COG4: variants seen among roughly 807,000 people sequenced by gnomAD.
COG4 encodes the protein conserved oligomeric Golgi complex subunit 4.
A neutral mutation model predicts 95.1 loss-of-function variants in COG4; 65 were observed. The observed-to-expected ratio is 0.68, with a 90% CI of 0.56 to 0.84. The LOEUF (loss-of-function observed/expected upper bound fraction) is 0.84, where lower values mean the gene tolerates loss of function less well. Among genes scored for constraint, COG4 ranks in the 40% least tolerant of loss-of-function variants. The probability of loss-of-function intolerance (pLI) is 0.00; values close to 1 mark genes in which losing one functional copy is unlikely to be tolerated. For missense variants in COG4, 1,045 were observed against 989.1 expected (o/e 1.06, Z -0.76); for synonymous variants, 421 against 374.8 (o/e 1.12, Z -1.42).
Position 70,509,230 on chromosome 16 carries a change from C to T in COG4, c.1002+1G>A. On this transcript the variant is annotated splice_donor_variant, in intron 7 of 18. Transcript: ENST00000323786. LOFTEE classifies it high-confidence loss of function. ...CCCTACCTGTAGCTTCCCCTGCTCACCTGCTGGTGGTAGTCCCTTTGCTTG... is the reference window on the plus strand; with the variant it reads ...CCCTACCTGTAGCTTCCCCTGCTCATCTGCTGGTGGTAGTCCCTTTGCTTG... 1 of 1,614,184 alleles carries T rather than the reference C, an allele frequency of 6.2e-7. No individual in the cohort carries two copies. The highest frequency in any genetic ancestry group is 2.2e-5 in the East Asian group (1 of 44,880).
intron 4 of COG4, 62 bp downstream of exon 4, chr16:70,514,273 T>G (rs1223651819): frequency 6.7e-7 from 1 of 1,484,180 alleles, no homozygotes; most frequent in Non-Finnish European, 9.4e-7. Context: ...TGGTCGAGTC[T>G]GCTTACTTCA....
At chr16:70,500,627 C>A (rs1567382166) in intron 9 of COG4, among the ~76,000 whole-genome samples, 1 of 151,882 alleles carries the variant, frequency 6.6e-6, no homozygotes, top group African/African-American at 2.4e-5. Context: ...TCCCAAAGTG[C>A]TGGGATTACA....
chr16:70,521,976 C>A (rs1244070020), intron 1 of COG4, among the ~76,000 whole-genome samples: 5 of 151,392 alleles, frequency 3.3e-5, no homozygotes, highest in Non-Finnish European at 7.4e-5. Flanking sequence ...GCTGGGGTTA[C>A]AGGAGTGAGC....
intron 12 of COG4, among the ~76,000 whole-genome samples, chr16:70,494,343 C>G (rs572034528): frequency 9.2e-5 from 14 of 152,266 alleles, no homozygotes; most frequent in Middle Eastern, 3.4e-3. Flanking sequence ...GGGTTTATTC[C>G]CTGCCCACAG....
At chr16:70,519,849 T>C in intron 1 of COG4, 118 bp from the exon 2 acceptor site, 1 of 759,858 alleles carries the variant, frequency 1.3e-6, no homozygotes, top group Non-Finnish European at 2.3e-6. Context: ...TTCCTTCCAC[T>C]ATGTTCTCCT....
Position 70,512,422 on chromosome 16 carries a change from A to T in COG4, c.555T>A (p.Ile185=). The change falls in exon 5 of 19, where the codon ATT becomes ATA. Residue 185 remains isoleucine (I), a synonymous_variant. Transcript: ENST00000323786. ...CCTGCAGCAATTTCAGGTTGGCATC[A>T]ATCATGCTCCCTGCTCAACAGGGAG... ...LSRQGKEGSM[I]DANLKLLQEA... The T allele has an allele frequency of 6.2e-7, 1 of 1,613,946 alleles. No homozygotes were observed. The highest frequency in any genetic ancestry group is 8.5e-7 in the Non-Finnish European group (1 of 1,179,890).
Position 70,480,997 on chromosome 16 carries a change from C to T in COG4, c.*13G>A, listed in dbSNP as rs1344117430. 1 of 1,611,452 alleles carries T rather than the reference C, an allele frequency of 6.2e-7. No individual in the cohort carries two copies. Among genetic ancestry groups the T allele is most frequent in the Non-Finnish European group, 8.5e-7 (1 of 1,179,992 alleles). On this transcript the variant is annotated 3_prime_UTR_variant, in exon 19 of 19. Transcript: ENST00000323786. ...CTGCAAGTGTGATGAGCCAGGTGTG[C>T]TCATCCAGGCAGCTACAGGCGCAGC...
chr16:70,497,823 T>C, intron 10 of COG4, 114 bp downstream of exon 10: 1 of 787,084 alleles, frequency 1.3e-6, no homozygotes, highest in Non-Finnish European at 2.3e-6. Context: ...TCAATCTGCA[T>C]GCAAGAGTAT....
chr16:70,515,841 A>G (rs1000581957), intron 3 of COG4: 6 of 330,472 alleles, frequency 1.8e-5, no homozygotes, highest in Non-Finnish European at 3.6e-5. Flanking sequence ...TGTTTTTTTA[A>G]AAAATTTTTG....
At chr16:70,511,495 G>T (rs1242834442) in intron 5 of COG4, among the ~76,000 whole-genome samples, 1 of 151,780 alleles carries the variant, frequency 6.6e-6, no homozygotes, top group African/African-American at 2.4e-5. Flanking sequence ...TGGGAGGACT[G>T]CTTGAGGCCA....
In COG4 at chr16:70,497,807, T is replaced by C. The variant is rs142932035; in HGVS notation, c.1314+130A>G. ...GATGCTCTCTAAACATACAAAGTGG[T>C]ACCACTCAATCTGCATGCAAGAGTA... is the stretch of plus-strand genomic sequence containing the variant. On this transcript the variant is annotated intron_variant, in intron 10 of 18. Coordinates refer to ENST00000323786, the MANE Select transcript of COG4 (RefSeq NM_015386.3). The C allele has an allele frequency of 4.0e-3, 3,073 of 774,016 alleles. 13 individuals carry two copies. The highest frequency in any genetic ancestry group is 5.7e-3 in the Non-Finnish European group (2,406 of 419,444). 47.9% of individuals were successfully genotyped at this position (774,016 alleles called of 1,614,324 possible).
intron 12 of COG4, among the ~76,000 whole-genome samples, chr16:70,495,246 A>G (rs906338561): frequency 6.7e-6 from 1 of 150,248 alleles, no homozygotes; most frequent in Admixed American, 6.6e-5. Context: ...AAAAAAAAAA[A>G]ATTAGCCAGG....
chr16:70,517,804 T>C (rs1451233938), intron 2 of COG4, 64 bp from the exon 3 acceptor site: 1 of 1,012,222 alleles, frequency 9.9e-7, no homozygotes. Context: ...AAACTTTTTT[T>C]TGCATATGGA....
intron 17 of COG4, 108 bp from the exon 18 acceptor site, chr16:70,481,595 C>A: frequency 1.9e-6 from 3 of 1,545,970 alleles, no homozygotes; most frequent in Non-Finnish European, 2.7e-6. Context: ...CAGGTGGTGC[C>A]CTGTGGTTTG....
At chr16:70,512,173 A>C (rs1015982060) in intron 5 of COG4, 66 bp downstream of exon 5, 2 of 1,451,474 alleles carry the variant, frequency 1.4e-6, no homozygotes, top group South Asian at 2.3e-5. Flanking sequence ...AACTGGATCC[A>C]TCCAGTGCCC....
rs767522005 is a variant in COG4, at chr16:70,481,133, G to T, written c.2247C>A (p.Ile749=). ...CGGAATTGGGTCCCCAGTAATCGAG[G>T]ATCTCGGTCACCTGTGGGGAAGGAC... The part of the protein sequence containing the change: ...TILNLERVTE[I]LDYWGPNSGP... Residue 749 remains isoleucine, a synonymous_variant, in exon 19 of 19, where the codon ATC becomes ATA. Transcript: ENST00000323786. 108 of 1,613,338 alleles carry T rather than the reference G, an allele frequency of 6.7e-5. 1 individual carries two copies. The highest frequency in any genetic ancestry group is 5.3e-5 in the Non-Finnish European group (62 of 1,179,978).
chr16:70,487,312 C>T (rs1486935439), intron 13 of COG4, among the ~76,000 whole-genome samples: 1 of 149,652 alleles, frequency 6.7e-6, no homozygotes, highest in African/African-American at 2.5e-5. Context: ...AAAAAAAAGA[C>T]AAGGCCAGGC....
At chr16:70,513,605 T>C (rs778094525) in intron 4 of COG4, among the ~76,000 whole-genome samples, 19 of 152,324 alleles carry the variant, frequency 1.2e-4, no homozygotes, top group Non-Finnish European at 2.8e-4. Flanking sequence ...CATACCATGA[T>C]AAAGTTATGC....
chr16:70,514,445 C>A lies in COG4; in HGVS notation c.434G>T (p.Gly145Val). 6.2e-7 allele frequency: 1 copy of A among 1,614,050 alleles called. No homozygotes were observed. The highest frequency in any genetic ancestry group is 8.5e-7 in the Non-Finnish European group (1 of 1,179,924). ...DILDLKFCMD[G>V]VQTALRSEDY... Reference sequence around the variant, plus strand: ...TTCACTCCTCAAAGCAGTCTGAACTCCATCCATGCAGAACTTCAGGTCCAA... The same window carrying A: ...TTCACTCCTCAAAGCAGTCTGAACTACATCCATGCAGAACTTCAGGTCCAA... The change falls in exon 4 of 19, where the codon GGA becomes GTA. Residue 145 changes from glycine to valine, a missense_variant. By Grantham distance (109) the Gly-to-Val change is moderately radical (BLOSUM62 -3). Transcript: ENST00000323786.
Sources: gnomAD v4.1 joint callset for allele counts (sites outside exome capture counted in the v4.1 genomes callset) on GRCh38, gnomAD v4.1.1 for gene constraint, MANE v1.5 for transcripts, NCBI Gene and HGNC (gene_info 2026-07-23, HGNC 2026-07-21) for gene names.